DIP2A: variants seen among roughly 807,000 people sequenced by gnomAD.
DIP2A encodes disco-interacting protein 2 homolog A.
DIP2A carries 85 observed loss-of-function variants against 177.4 expected under a neutral mutation model. The observed-to-expected ratio is 0.48, with a 90% confidence interval of 0.40 to 0.57. DIP2A has a LOEUF of 0.57. Ranked by LOEUF, DIP2A falls within the 20% of genes least tolerant of loss-of-function variation. The probability of loss-of-function intolerance (pLI) is 0.00; values close to 1 mark genes in which losing one functional copy is unlikely to be tolerated. For missense variants in DIP2A, 1,791 were observed against 2,100.2 expected, an observed-to-expected ratio of 0.85 and a Z score of 2.88; for synonymous variants, 886 against 881.8, an observed-to-expected ratio of 1.00 and a Z score of -0.08.
At chr21:46,509,145 G>A in intron 6 of DIP2A, 112 bp from the exon 7 acceptor site, 2 of 1,225,400 alleles carry the variant, frequency 1.6e-6, no homozygotes, top group African/African-American at 1.5e-5. Context: ...CCCACACTTG[G>A]ATGGATTTGT....
intron 3 of DIP2A, among the ~76,000 whole-genome samples, chr21:46,494,914 A>T (rs937486352): frequency 7.9e-5 from 12 of 152,164 alleles, no homozygotes; most frequent in African/African-American, 2.9e-4. Context: ...CCTGCTCCAG[A>T]ATCTGCCATT....
In DIP2A at chr21:46,558,161, G is replaced by A. The variant is rs992440144; in HGVS notation, c.3799-62G>A. 32 of 1,517,376 alleles carry A rather than the reference G, an allele frequency of 2.1e-5. No homozygotes were observed. The African/African-American group carries it at 4.1e-4, about 19-fold the overall frequency. The allele number at this position is 1,517,376 out of a possible 1,614,324, so 94.0% of individuals were successfully genotyped here. A position where few individuals can be genotyped will look rare whatever the true frequency, so the allele number is the denominator to read the frequency against. The stretch of plus-strand genomic sequence containing the variant: ...CCACCCGGAGATTTCCCAAAACAGT[G>A]CCCAGGGCCCTGGCAACTCACTGAG... On this transcript the variant is annotated intron_variant, in intron 31 of 37. Transcript: ENST00000417564.
downstream of DIP2A, among the ~76,000 whole-genome samples, chr21:46,572,641 T>G (rs529917393): frequency 1.8e-4 from 27 of 152,320 alleles, no homozygotes; most frequent in African/African-American, 6.5e-4. Context: ...CTTGGGAGTC[T>G]GCAGAGAGTC....
At position 46,560,709 on chromosome 21, in the gene DIP2A, G is replaced by C; in HGVS notation, c.3970-13G>C. 6.2e-7 allele frequency: 1 copy of C among 1,603,972 alleles called. No homozygotes were observed. Among genetic ancestry groups the C allele is most frequent in the South Asian group, 1.1e-5 (1 of 89,074 alleles). On this transcript the variant is annotated splice_polypyrimidine_tract_variant and intron_variant, in intron 32 of 37. Coordinates refer to ENST00000417564, the MANE Select transcript of DIP2A (RefSeq NM_015151.4). ...GCCCCTGAACAGAAGTTCCTCTGCT[G>C]CTCTCCTTCCAGGGCACAGCTGGCC...
At chr21:46,474,024 T>C (rs1860084212) in intron 1 of DIP2A, among the ~76,000 whole-genome samples, 1 of 152,194 alleles carries the variant, frequency 6.6e-6, no homozygotes, top group South Asian at 2.1e-4. Context: ...ACAGAAAAGT[T>C]AGCTTGAAAA....
At chr21:46,471,201 A>C (rs551409497) in intron 1 of DIP2A, among the ~76,000 whole-genome samples, 1 of 152,118 alleles carries the variant, frequency 6.6e-6, no homozygotes, top group African/African-American at 2.4e-5. Flanking sequence ...GCCTACTTTT[A>C]AAGTTTTTTT....
intron 32 of DIP2A, 97 bp from the exon 33 acceptor site, chr21:46,560,625 C>T (rs998916881): frequency 1.8e-5 from 27 of 1,498,244 alleles, no homozygotes; most frequent in South Asian, 2.5e-5. Flanking sequence ...TGGGTGTCCC[C>T]GGGGGCCAGG....
At chr21:46,541,573 G>A (rs2059819264) in intron 17 of DIP2A, among the ~76,000 whole-genome samples, 183 bp from the exon 18 acceptor site, 1 of 152,136 alleles carries the variant, frequency 6.6e-6, no homozygotes, top group Non-Finnish European at 1.5e-5. Context: ...GAGTGTCGAC[G>A]TCACATTGCA....
At chr21:46,571,214 T>C (rs142021991), downstream of DIP2A, among the ~76,000 whole-genome samples, 547 of 152,308 alleles carry the variant, frequency 3.6e-3, 4 homozygotes, top group Middle Eastern at 0.01. Flanking sequence ...AAGAATCTAA[T>C]GCCTGATGAT....
At chr21:46,564,291 C>T (rs1209345990) in intron 35 of DIP2A, among the ~76,000 whole-genome samples, 1 of 152,192 alleles carries the variant, frequency 6.6e-6, no homozygotes, top group Non-Finnish European at 1.5e-5. Context: ...GGCAGGAGCA[C>T]AGACACGGGG....
chr21:46,510,021 G>T (rs751628286), intron 7 of DIP2A, among the ~76,000 whole-genome samples: 6 of 152,192 alleles, frequency 3.9e-5, no homozygotes, highest in Non-Finnish European at 7.3e-5. Flanking sequence ...ATTAGTCAGG[G>T]TTCTCTAGAG....
chr21:46,547,243 C>A lies in DIP2A; in HGVS notation c.2522+201C>A. 4 of 1,330,656 alleles carry A rather than the reference C, an allele frequency of 3.0e-6. No individual in the cohort carries two copies. The South Asian group carries it at 7.8e-5, about 26-fold the overall frequency. The allele number at this position is 1,330,656 out of a possible 1,614,324, so 82.4% of individuals were successfully genotyped here. Reference sequence around the variant, plus strand: ...AATATCCTTACTGTCCAAAGAGTTCCTTGGATTCCTTAAGAAAATAAGGTT... The same window carrying A: ...AATATCCTTACTGTCCAAAGAGTTCATTGGATTCCTTAAGAAAATAAGGTT... On this transcript the variant is annotated intron_variant, in intron 21 of 37. Coordinates refer to ENST00000417564, the MANE Select transcript of DIP2A (RefSeq NM_015151.4).
intron 1 of DIP2A, among the ~76,000 whole-genome samples, chr21:46,474,272 G>T (rs1415254783): frequency 2.6e-5 from 4 of 152,332 alleles, no homozygotes; most frequent in Non-Finnish European, 5.9e-5. Flanking sequence ...TGAGTGGTGG[G>T]ACCCAGAGTG....
intron 1 of DIP2A, among the ~76,000 whole-genome samples, chr21:46,459,663 G>T (rs1253222128): frequency 6.7e-6 from 1 of 148,740 alleles, no homozygotes; most frequent in African/African-American, 2.5e-5. Context: ...ACACCCGCGC[G>T]GCCCCTCAAA....
chr21:46,537,540 G>A lies in DIP2A; in HGVS notation c.1801+1G>A, dbSNP rs2059625799. ...ATCCAGAAAGTGTGCTTCTATAAAG[G>A]TAACGGATACCATGGTCAGGGCCTT... On this transcript the variant is annotated splice_donor_variant, in intron 15 of 37. Coordinates refer to ENST00000417564, the MANE Select transcript of DIP2A (RefSeq NM_015151.4). LOFTEE classifies it high-confidence loss of function. This position sits in a 1 kb window ranked among gnomAD's most constrained non-coding sequence, Gnocchi z 4.1. The A allele has an allele frequency of 6.2e-7, 1 of 1,613,968 alleles. No individual in the cohort carries two copies. The highest frequency in any genetic ancestry group is 1.3e-5 in the African/African-American group (1 of 74,922).
intron 1 of DIP2A, among the ~76,000 whole-genome samples, chr21:46,476,002 A>G (rs1345407102): frequency 2.0e-5 from 3 of 151,978 alleles, no homozygotes; most frequent in Non-Finnish European, 4.4e-5. Flanking sequence ...TCGGGAGGCC[A>G]AGGCGGGTGG....
chr21:46,538,286 T>C (rs796202354), intron 15 of DIP2A, among the ~76,000 whole-genome samples, 197 bp from the exon 16 acceptor site: 20 of 152,336 alleles, frequency 1.3e-4, no homozygotes, highest in African/African-American at 4.8e-4. Context: ...TCAGAGTTGA[T>C]TTTTGTGGAA....
intron 1 of DIP2A, among the ~76,000 whole-genome samples, chr21:46,472,745 T>G (rs1168440523): frequency 1.3e-5 from 2 of 152,152 alleles, no homozygotes; most frequent in Admixed American, 6.5e-5. Context: ...TGGACTTGAT[T>G]CTCTGGAGTC....
At chr21:46,577,492 G>A in the DIP2A span, among the ~76,000 whole-genome samples, 1 of 152,108 alleles carries the variant, frequency 6.6e-6, no homozygotes, top group Non-Finnish European at 1.5e-5. Context: ...CGGTCTATGT[G>A]TCTGTTTTTG....
Sources: allele counts gnomAD v4.1 joint callset (sites outside exome capture counted in the v4.1 genomes callset), GRCh38; gene constraint gnomAD v4.1.1; non-coding constraint Gnocchi (gnomAD v3.1); transcripts MANE v1.5; gene names NCBI Gene and HGNC (gene_info 2026-07-23, HGNC 2026-07-21).